TRIM61: variants seen among roughly 807,000 people sequenced by gnomAD.
TRIM61 encodes putative tripartite motif-containing protein 61.
A neutral mutation model predicts 14.2 loss-of-function variants in TRIM61; 1 was observed. That is an observed-to-expected ratio of 0.07 (90% CI 0.03 to 0.33). The LOEUF (loss-of-function observed/expected upper bound fraction) is 0.33. Ranked by LOEUF, TRIM61 falls within the 10% of genes least tolerant of loss-of-function variation. The pLI, the probability that TRIM61 is intolerant of heterozygous loss-of-function variation, is 0.99. For synonymous variants in TRIM61, 8 were observed against 71.6 expected (o/e 0.11, Z 4.49); for missense variants, 19 against 202.2 (o/e 0.09, Z 5.49).
intron 3 of TRIM61, chr4:164,968,488 T>A (rs1732289695): frequency 1.4e-6 from 1 of 705,534 alleles, no homozygotes; most frequent in African/African-American, 2.1e-5. Context: ...AAATATTGCT[T>A]TCTTATGGGA....
chr4:164,965,540 T>A (rs1422893966), intron 3 of TRIM61, among the ~76,000 whole-genome samples: 1 of 150,568 alleles, frequency 6.6e-6, no homozygotes, highest in Non-Finnish European at 1.5e-5. Flanking sequence ...TTCAAGTGAT[T>A]CTCCTGCCTC....
intron 3 of TRIM61, among the ~76,000 whole-genome samples, chr4:164,965,194 G>A (rs1393570417): frequency 3.3e-5 from 5 of 152,054 alleles, no homozygotes; most frequent in Non-Finnish European, 5.9e-5. Flanking sequence ...AGGCTAAGGC[G>A]TGAGAGTCGC....
intron 3 of TRIM61, 101 bp downstream of exon 3, chr4:164,968,179 GA>G (rs1732281928): frequency 1.0e-6 from 1 of 984,516 alleles, no homozygotes; most frequent in Non-Finnish European, 1.2e-6. Context: ...GAAAAGAAAA[GA>G]AAAAGAAAAG....
chr4:164,957,297 C>G lies in TRIM61; in HGVS notation c.526-2201G>C, dbSNP rs759247415. On this transcript the variant is annotated intron_variant, in intron 3 of 4. Coordinates refer to ENST00000329314, the MANE Select transcript of TRIM61 (RefSeq NM_001012414.3). ...TTCTCCGCGTGCCCTGTCAGCCGCT[C>G]ATGGTGCCCAGAGAGGAATTTTAGT... The G allele has an allele frequency of 5.0e-6, 8 of 1,614,190 alleles. No individual in the cohort carries two copies. In the Middle Eastern group the frequency reaches 4.9e-4, roughly 100 times the overall value.
At chr4:164,968,194 CT>C (rs1441520797) in intron 3 of TRIM61, 86 bp downstream of exon 3, 1 of 984,682 alleles carries the variant, frequency 1.0e-6, no homozygotes, top group Admixed American at 6.2e-5. Flanking sequence ...AGAAAAGAGG[CT>C]GTATTTACAT....
chr4:164,964,347 C>CA (rs70952673), intron 3 of TRIM61, among the ~76,000 whole-genome samples: 11,556 of 71,440 alleles, frequency 0.16, 1,233 homozygotes, highest in African/African-American at 0.38. Context: ...GACTCTGTCT[C>CA]AAAAAAAAAA....
rs1388252999 is a variant in TRIM61 at position 164,977,515 on chromosome 4, G to A, written c.-476+16C>T. On this transcript the variant is annotated intron_variant, in intron 1 of 4. Coordinates refer to ENST00000329314, the MANE Select transcript of TRIM61 (RefSeq NM_001012414.3). ...CGAGGCCCTTCTGGGCCTTTCCTGC[G>A]GCCTTCCCAGCTCACCTGGAGCAGA... is the stretch of plus-strand genomic sequence containing the variant. 6.6e-6 allele frequency: 1 copy of A among 152,266 alleles called. No individual in the cohort carries two copies. Among genetic ancestry groups the A allele is most frequent in the East Asian group, 1.9e-4 (1 of 5,184 alleles). 9.4% of individuals were successfully genotyped at this position (152,266 alleles called of 1,614,324 possible). A position where few individuals can be genotyped will look rare whatever the true frequency, so the allele number is the denominator to read the frequency against.
At chr4:164,960,804 A>T (rs1732114606) in intron 3 of TRIM61, among the ~76,000 whole-genome samples, 1 of 152,112 alleles carries the variant, frequency 6.6e-6, no homozygotes, top group Non-Finnish European at 1.5e-5. Flanking sequence ...TACAAAAATT[A>T]GCTGGGCGTG....
intron 3 of TRIM61, among the ~76,000 whole-genome samples, chr4:164,962,668 T>A (rs1290559181): frequency 6.9e-6 from 1 of 143,960 alleles, no homozygotes; most frequent in Admixed American, 7.4e-5. Context: ...TTCATTGCCA[T>A]CAAGTGGACA....
intron 3 of TRIM61, among the ~76,000 whole-genome samples, chr4:164,967,712 A>T (rs1466064852): frequency 6.6e-6 from 1 of 152,124 alleles, no homozygotes; most frequent in Non-Finnish European, 1.5e-5. Flanking sequence ...GGAAAGGTGA[A>T]AGTGGCACTG....
intron 2 of TRIM61, among the ~76,000 whole-genome samples, chr4:164,975,438 T>C (rs1471886145): frequency 6.6e-6 from 1 of 152,192 alleles, no homozygotes; most frequent in East Asian, 1.9e-4. Context: ...TAAGAGACTC[T>C]ATTTTGAAAA....
intron 3 of TRIM61, among the ~76,000 whole-genome samples, chr4:164,967,665 ATAAAG>A (rs1579146960): frequency 6.6e-6 from 1 of 152,146 alleles, no homozygotes; most frequent in African/African-American, 2.4e-5. Context: ...ACAATAAAAA[ATAAAG>A]TAAGTTACTT....
intron 3 of TRIM61, among the ~76,000 whole-genome samples, chr4:164,966,078 AGAT>A (rs1732233215): frequency 6.6e-6 from 1 of 152,368 alleles, no homozygotes; most frequent in African/African-American, 2.4e-5. Flanking sequence ...CCTGTGTTGC[AGAT>A]GAGAAGGCTC....
intron 3 of TRIM61, among the ~76,000 whole-genome samples, chr4:164,967,734 T>C (rs1432090455): frequency 1.3e-5 from 2 of 152,090 alleles, no homozygotes; most frequent in Non-Finnish European, 2.9e-5. Context: ...GCATGGTGGT[T>C]CATGCCTGTA....
chr4:164,958,870 T>G (rs1398807914), intron 3 of TRIM61: 2 of 167,116 alleles, frequency 1.2e-5, no homozygotes, highest in African/African-American at 4.8e-5. Flanking sequence ...TATTTCTTCA[T>G]AACTGTAATA....
At chr4:164,965,382 G>A (rs963240942) in intron 3 of TRIM61, among the ~76,000 whole-genome samples, 6 of 151,472 alleles carry the variant, frequency 4.0e-5, no homozygotes, top group African/African-American at 9.7e-5. Context: ...CCTTGGGTGC[G>A]AGTTCATGAC....
chr4:164,961,247 C>T (rs1268068978), intron 3 of TRIM61, among the ~76,000 whole-genome samples: 5 of 113,920 alleles, frequency 4.4e-5, no homozygotes, highest in Non-Finnish European at 9.3e-5. Flanking sequence ...AAAATAAAGA[C>T]AACATGCAGA....
intron 2 of TRIM61, among the ~76,000 whole-genome samples, chr4:164,975,089 C>T (rs1428346956): frequency 6.6e-6 from 1 of 151,954 alleles, no homozygotes; most frequent in Non-Finnish European, 1.5e-5. Context: ...AAAAATTAGC[C>T]GGGCATGGTG....
At chr4:164,969,206 T>G in intron 3 of TRIM61, 1 of 1,289,854 alleles carries the variant, frequency 7.8e-7, no homozygotes, top group Non-Finnish European at 9.8e-7. Flanking sequence ...TAAAAACAGC[T>G]CAGGGAATTT....
Sources: gnomAD v4.1 joint callset for allele counts (sites outside exome capture counted in the v4.1 genomes callset) on GRCh38, gnomAD v4.1.1 for gene constraint, MANE v1.5 for transcripts, NCBI Gene and HGNC (gene_info 2026-07-23, HGNC 2026-07-21) for gene names.